Variants in WDR45 observed in about 807,000 individuals in gnomAD.
WDR45 encodes WD repeat domain phosphoinositide-interacting protein 4.
WDR45 carries 2 observed loss-of-function variants against 27.3 expected under a neutral mutation model. That is an observed-to-expected ratio of 0.07 (90% CI 0.03 to 0.23). The LOEUF (loss-of-function observed/expected upper bound fraction) is 0.23. Ranked by LOEUF, WDR45 falls within the 10% of genes least tolerant of loss-of-function variation. The pLI, the probability that WDR45 is intolerant of heterozygous loss-of-function variation, is 1.00. For missense variants in WDR45, 175 were observed against 311.9 expected, an observed-to-expected ratio of 0.56 and a Z score of 3.31; for synonymous variants, 99 against 119.2, an observed-to-expected ratio of 0.83 and a Z score of 1.11.
At chrX:49,093,156 A>G (rs1359308100) in intron 2 of WDR45, among the ~76,000 whole-genome samples, 1 of 110,524 alleles carries the variant, frequency 9.0e-6, no homozygotes, top group Non-Finnish European at 1.9e-5. Flanking sequence ...TCTCGATCTG[A>G]CCTCGGCCTC....
intron 2 of WDR45, among the ~76,000 whole-genome samples, chrX:49,096,582 T>C (rs2065126286): frequency 8.9e-6 from 1 of 111,842 alleles, no homozygotes; most frequent in African/African-American, 3.2e-5. Context: ...ACCTAATTCC[T>C]TTTTTTGTTA....
chrX:49,093,525 CCTT>C (rs2065114623), intron 2 of WDR45, among the ~76,000 whole-genome samples: 2 of 103,037 alleles, frequency 1.9e-5, no homozygotes, highest in East Asian at 3.0e-4. Flanking sequence ...CCACAATCAG[CCTT>C]CTTTTTTTTT....
Position 49,074,454 on chromosome X carries a change from C to T in WDR45, c.*349G>A, listed in dbSNP as rs1208025046. ...GTCAAGCCGTAAATGCCATTAAGGG[C>T]CTTTTATTCGTATTCATCACATCGG... On this transcript the variant is annotated 3_prime_UTR_variant, in exon 11 of 11. Transcript: ENST00000376372. 5.9e-6 allele frequency: 2 copies of T among 341,179 alleles called. No homozygotes were observed. The highest frequency in any genetic ancestry group is 1.0e-5 in the Non-Finnish European group (2 of 198,323). 28.1% of individuals were successfully genotyped at this position (341,179 alleles called of 1,213,427 possible).
At chrX:49,083,945 T>TA (rs1296886066), upstream of WDR45, among the ~76,000 whole-genome samples, 608 of 47,952 alleles carry the variant, frequency 0.013, 4 homozygotes, top group African/African-American at 0.024. Context: ...ACACTCTGTC[T>TA]AAAAAAAAAA....
Position 49,074,464 on chromosome X carries a change from G to A in WDR45, c.*339C>T. ...AAATGCCATTAAGGGCCTTTTATTCGTATTCATCACATCGGAGATCATCTC... is the reference window on the plus strand; with the variant it reads ...AAATGCCATTAAGGGCCTTTTATTCATATTCATCACATCGGAGATCATCTC... On this transcript the variant is annotated 3_prime_UTR_variant, in exon 11 of 11. Coordinates refer to ENST00000376372, the MANE Select transcript of WDR45 (RefSeq NM_001029896.2). 1 of 345,532 alleles carries A rather than the reference G, an allele frequency of 2.9e-6. No homozygotes were observed. Among genetic ancestry groups the A allele is most frequent in the Non-Finnish European group, 5.0e-6 (1 of 200,405 alleles). 28.5% of individuals were successfully genotyped at this position (345,532 alleles called of 1,213,427 possible). A position where few individuals can be genotyped will look rare whatever the true frequency, so the allele number is the denominator to read the frequency against.
rs55675942 is a variant in WDR45, at chrX:49,099,780, CA to C, written c.-18+424del. Among the ~76,000 whole-genome samples the C allele has an allele frequency of 2.5e-3, 218 of 87,262 alleles. 15 individuals are homozygous for C. The highest frequency in any genetic ancestry group is 7.8e-3 in the East Asian group (24 of 3,090). The allele number at this position is 87,262 out of a possible 115,157, so 75.8% of individuals were successfully genotyped here. A position where few individuals can be genotyped will look rare whatever the true frequency, so the allele number is the denominator to read the frequency against. ...TGGGCGACAGAGCGAGACTATGTCT[CA>C]AAAAAAAAAAAACAAAAAAAAACAA... On this transcript the variant is annotated intron_variant, in intron 2 of 11. Transcript: ENST00000356463.
At chrX:49,087,854 GCCACTGCACT>G (rs1368541108) in intron 2 of WDR45, among the ~76,000 whole-genome samples, 41 of 112,665 alleles carry the variant, frequency 3.6e-4, no homozygotes, top group Non-Finnish European at 4.1e-4. Flanking sequence ...CCATGATTGT[GCCACTGCACT>G]CCAATCTGGG....
At chrX:49,082,983 G>A (rs2065073468), upstream of WDR45, among the ~76,000 whole-genome samples, 2 of 109,919 alleles carry the variant, frequency 1.8e-5, no homozygotes, top group African/African-American at 3.3e-5. Flanking sequence ...GGGTTCAAGC[G>A]ATTCTCCTGC....
intron 2 of WDR45, among the ~76,000 whole-genome samples, chrX:49,099,282 C>T (rs2065136745): frequency 9.1e-6 from 1 of 109,364 alleles, no homozygotes; most frequent in African/African-American, 3.3e-5. Flanking sequence ...CGAGATCACA[C>T]CACTGCACTC....
At chrX:49,078,760 A>G (rs1377849445) in intron 1 of WDR45, among the ~76,000 whole-genome samples, 8 of 112,239 alleles carry the variant, frequency 7.1e-5, no homozygotes, top group Non-Finnish European at 1.9e-5. Flanking sequence ...CTTGATCCCA[A>G]TGCCAGACAT....
intron 2 of WDR45, among the ~76,000 whole-genome samples, chrX:49,087,619 T>A (rs1224541212): frequency 1.8e-5 from 2 of 112,169 alleles, no homozygotes; most frequent in Non-Finnish European, 3.8e-5. Flanking sequence ...ATTGCTAAGA[T>A]ATAGGGCTCA....
chrX:49,079,972 G>A (rs1203552452), upstream of WDR45: 1 of 113,253 alleles, frequency 8.8e-6, no homozygotes, highest in Non-Finnish European at 1.9e-5. Flanking sequence ...CGCCTTCCTC[G>A]CCTAGTTCCC....
chrX:49,091,626 G>A (rs1278158714), intron 2 of WDR45, among the ~76,000 whole-genome samples: 3 of 99,834 alleles, frequency 3.0e-5, no homozygotes, highest in African/African-American at 1.1e-4. Flanking sequence ...GCGGGCGCCT[G>A]TAGTCCCAGC....
chrX:49,086,910 A>G (rs782348729), intron 2 of WDR45, among the ~76,000 whole-genome samples: 2 of 109,051 alleles, frequency 1.8e-5, no homozygotes, highest in Non-Finnish European at 3.8e-5. Flanking sequence ...TTTCTTTTTT[A>G]GAGACAGGGT....
upstream of WDR45, chrX:49,080,164 C>G (rs2065060381): frequency 8.9e-6 from 1 of 112,596 alleles, no homozygotes; most frequent in South Asian, 3.6e-4. Context: ...CCGGCCAAGC[C>G]CTCAGCCCCT....
upstream of WDR45, among the ~76,000 whole-genome samples, chrX:49,083,142 T>G (rs2065074184): frequency 9.0e-6 from 1 of 110,541 alleles, no homozygotes; most frequent in Non-Finnish European, 1.9e-5. Flanking sequence ...CCTCCCAAAG[T>G]GCTGGGATTA....
At chrX:49,094,969 G>A (rs919748919) in intron 2 of WDR45, among the ~76,000 whole-genome samples, 4 of 108,930 alleles carry the variant, frequency 3.7e-5, no homozygotes, top group African/African-American at 1.3e-4. Flanking sequence ...TGTATTTTTA[G>A]TAGAGATGGA....
chrX:49,079,525 A>G (rs1557084779), intron 1 of WDR45: 1 of 111,245 alleles, frequency 9.0e-6, no homozygotes, highest in Non-Finnish European at 1.9e-5. Context: ...CCTCCACTGG[A>G]ATGCCTCATG....
upstream of WDR45, among the ~76,000 whole-genome samples, chrX:49,084,835 A>G (rs942013310): frequency 1.6e-4 from 18 of 110,613 alleles, no homozygotes; most frequent in Admixed American, 2.9e-4. Flanking sequence ...GGGTTTCACC[A>G]TGTAGGCCGG....
Sources: gnomAD v4.1 joint callset for allele counts (sites outside exome capture counted in the v4.1 genomes callset) on GRCh38, gnomAD v4.1.1 for gene constraint, MANE v1.5 for transcripts, NCBI Gene and HGNC (gene_info 2026-07-23, HGNC 2026-07-21) for gene names.